Variants in PTK2 observed in about 807,000 individuals in gnomAD.
PTK2 encodes focal adhesion kinase 1.
PTK2 carries 45 observed loss-of-function variants against 150.1 expected under a neutral mutation model. The ratio of observed to expected loss-of-function variants is 0.30; its 90% CI spans 0.24 to 0.38. The LOEUF is 0.38. Ranked by LOEUF, PTK2 falls within the 10% of genes least tolerant of loss-of-function variation. The probability of loss-of-function intolerance (pLI) is 1.00; values close to 1 mark genes in which losing one functional copy is unlikely to be tolerated. For synonymous variants in PTK2, 432 were observed against 449.2 expected, an observed-to-expected ratio of 0.96 and a Z score of 0.48; for missense variants, 919 against 1,307.3, an observed-to-expected ratio of 0.70 and a Z score of 4.58.
At chr8:140,660,134 T>A (rs1384872683) in intron 31 of PTK2, among the ~76,000 whole-genome samples, 1 of 152,234 alleles carries the variant, frequency 6.6e-6, no homozygotes, top group Non-Finnish European at 1.5e-5. Context: ...AAGCCTTCCC[T>A]GACACCATGA....
chr8:140,848,366 GAT>G (rs2100126960), intron 5 of PTK2, among the ~76,000 whole-genome samples: 1 of 152,176 alleles, frequency 6.6e-6, no homozygotes, highest in South Asian at 2.1e-4. Flanking sequence ...TGCTATTACT[GAT>G]CTAAGGACTA....
At chr8:140,891,053 C>T (rs1167465534) in intron 2 of PTK2, among the ~76,000 whole-genome samples, 1 of 146,548 alleles carries the variant, frequency 6.8e-6, no homozygotes, top group Non-Finnish European at 1.5e-5. Context: ...AATGTAATAC[C>T]CCCACCCCCA....
chr8:140,980,789 C>T (rs1420817905), intron 1 of PTK2, among the ~76,000 whole-genome samples: 3 of 142,778 alleles, frequency 2.1e-5, no homozygotes, highest in African/African-American at 7.8e-5. Context: ...CTCACACTGT[C>T]GCCTGGGTTG....
chr8:140,996,099 C>G (rs10106406), intron 1 of PTK2, among the ~76,000 whole-genome samples: 69,005 of 151,652 alleles, frequency 0.46, 17,094 homozygotes, highest in Non-Finnish European at 0.57. Context: ...CAAAACAAAA[C>G]AAAGGAAAAG....
At chr8:140,886,929 G>C (rs1600693522) in intron 3 of PTK2, among the ~76,000 whole-genome samples, 2 of 152,138 alleles carry the variant, frequency 1.3e-5, no homozygotes, top group East Asian at 3.9e-4. Context: ...CATGTTTCTA[G>C]ATGACTGGTC....
At chr8:140,732,095 T>G (rs1009043348) in intron 22 of PTK2, among the ~76,000 whole-genome samples, 1 of 152,204 alleles carries the variant, frequency 6.6e-6, no homozygotes, top group African/African-American at 2.4e-5. Flanking sequence ...AACTTATTAT[T>G]TCTTTGTTAA....
intron 1 of PTK2, among the ~76,000 whole-genome samples, chr8:140,987,631 A>C (rs982315179): frequency 1.3e-5 from 2 of 152,242 alleles, no homozygotes; most frequent in Admixed American, 6.5e-5. Context: ...AAATGGCTAA[A>C]ATGTACAAGA....
In PTK2 at chr8:140,862,057, T is replaced by A. The variant is rs1156644415; in HGVS notation, c.450+2255A>T. Among the ~76,000 whole-genome samples, 4 of 152,188 alleles carry A rather than the reference T, an allele frequency of 2.6e-5. No individual in the cohort carries two copies. The South Asian group carries it at 8.3e-4, about 31-fold the overall frequency. On this transcript the variant is annotated intron_variant, in intron 5 of 31. Coordinates refer to ENST00000522684, the Ensembl canonical transcript of PTK2. ...GGTATGTGCAGTACTCACTTTATCA[T>A]ATAGGAAAGTCTTCCAACAAAGAAA...
At chr8:140,997,394 AAAG>A (rs1373408884) in intron 1 of PTK2, among the ~76,000 whole-genome samples, 1 of 152,248 alleles carries the variant, frequency 6.6e-6, no homozygotes, top group African/African-American at 2.4e-5. Context: ...TCCAATTTTG[AAAG>A]AAGTTCTACT....
At chr8:140,786,752 T>C (rs1318162217) in intron 14 of PTK2, among the ~76,000 whole-genome samples, 1 of 152,142 alleles carries the variant, frequency 6.6e-6, no homozygotes, top group East Asian at 1.9e-4. Context: ...TGCCATGTCA[T>C]TAAATATCCA....
intron 1 of PTK2, among the ~76,000 whole-genome samples, chr8:140,971,247 G>C (rs1031134159): frequency 6.6e-6 from 1 of 152,212 alleles, no homozygotes; most frequent in South Asian, 2.1e-4. Context: ...ATGATTTGCT[G>C]CACAAATTTA....
At chr8:140,977,714 T>A (rs2100189810) in intron 1 of PTK2, among the ~76,000 whole-genome samples, 1 of 151,722 alleles carries the variant, frequency 6.6e-6, no homozygotes, top group African/African-American at 2.4e-5. Flanking sequence ...TAATAATAAA[T>A]GCTTTATGAA....
chr8:140,788,176 T>C (rs998641943), intron 14 of PTK2, among the ~76,000 whole-genome samples: 5 of 152,210 alleles, frequency 3.3e-5, no homozygotes, highest in African/African-American at 7.2e-5. Flanking sequence ...GAGAACATGC[T>C]GGCAACCCCG....
At chr8:140,862,061 G>A (rs1184059303) in intron 5 of PTK2, among the ~76,000 whole-genome samples, 5 of 152,138 alleles carry the variant, frequency 3.3e-5, no homozygotes, top group Admixed American at 3.3e-4. Flanking sequence ...TTATCATATA[G>A]GAAAGTCTTC....
chr8:140,853,333 C>A, intron 5 of PTK2, among the ~76,000 whole-genome samples: 1 of 101,044 alleles, frequency 9.9e-6, no homozygotes, highest in African/African-American at 3.9e-5. Flanking sequence ...AATGCTATCC[C>A]TCCCCCCTCC....
At chr8:140,887,816 C>G (rs1393986651) in intron 3 of PTK2, among the ~76,000 whole-genome samples, 1 of 152,028 alleles carries the variant, frequency 6.6e-6, no homozygotes, top group African/African-American at 2.4e-5. Context: ...ATATTTTATT[C>G]TGTTTTCTTA....
Position 140,659,826 on chromosome 8 carries a change from A to T in PTK2, c.2947-148T>A, listed in dbSNP as rs1180069674. The T allele has an allele frequency of 4.3e-6, 3 of 696,274 alleles. No homozygotes were observed. The East Asian group carries it at 8.1e-5, about 19-fold the overall frequency. The allele number at this position is 696,274 out of a possible 1,614,324, so 43.1% of individuals were successfully genotyped here. On this transcript the variant is annotated intron_variant, in intron 31 of 31. Coordinates refer to ENST00000522684, the Ensembl canonical transcript of PTK2. The stretch of plus-strand genomic sequence containing the variant: ...TGCCTCAGCCTTCCCACTAGCTGGG[A>T]ACACAGGCACATGCCACCAAGCCCT...
chr8:140,672,525 A>G (rs1483759461), intron 29 of PTK2, among the ~76,000 whole-genome samples: 1 of 152,170 alleles, frequency 6.6e-6, no homozygotes, highest in Non-Finnish European at 1.5e-5. Flanking sequence ...TCTGGGCACC[A>G]ACCCTAAGGG....
intron 14 of PTK2, chr8:140,764,592 T>C (rs898530889): frequency 9.4e-6 from 4 of 426,652 alleles, no homozygotes; most frequent in South Asian, 8.1e-5. Context: ...AATTAACCAA[T>C]CTACCAACCG....
Sources: gnomAD v4.1 joint callset for allele counts (sites outside exome capture counted in the v4.1 genomes callset) on GRCh38, gnomAD v4.1.1 for gene constraint, MANE v1.5 for transcripts, NCBI Gene and HGNC (gene_info 2026-07-23, HGNC 2026-07-21) for gene names.